SMC6: variants seen among roughly 807,000 people sequenced by gnomAD.
The protein encoded by SMC6 is structural maintenance of chromosomes protein 6.
Under a neutral mutation model 142.2 loss-of-function variants are expected in SMC6, and 79 were observed. That is an observed-to-expected ratio of 0.56 (90% confidence interval 0.46 to 0.67). The LOEUF is 0.67. SMC6 is among the 30% of genes least tolerant of loss of function. SMC6 has a pLI of 0.00. For synonymous variants in SMC6, 411 were observed against 412.4 expected (o/e 1.00, Z 0.04); for missense variants, 1,072 against 1,284.0 (o/e 0.83, Z 2.52).
At chr2:17,738,412 T>C (rs897920231) in intron 4 of SMC6, 86 bp from the exon 5 acceptor site, 1 of 764,640 alleles carries the variant, frequency 1.3e-6, no homozygotes, top group Middle Eastern at 2.5e-4. Context: ...AAAAGATTTA[T>C]GAATGAGACT....
chr2:17,744,640 C>T (rs1022867200), intron 3 of SMC6, among the ~76,000 whole-genome samples: 5 of 152,150 alleles, frequency 3.3e-5, no homozygotes, highest in East Asian at 1.9e-4. Flanking sequence ...GAAGCAAACA[C>T]CTTTGTCTTC....
At chr2:17,717,031 T>C in intron 13 of SMC6, 57 bp downstream of exon 13, 1 of 1,541,174 alleles carries the variant, frequency 6.5e-7, no homozygotes, top group Non-Finnish European at 8.8e-7. Context: ...CCAATGCATC[T>C]ACCTTACTTT....
intron 5 of SMC6, among the ~76,000 whole-genome samples, chr2:17,735,130 C>A (rs1202974217): frequency 2.0e-5 from 3 of 151,820 alleles, no homozygotes; most frequent in African/African-American, 4.8e-5. Context: ...AAAAAAAAAA[C>A]CACTTCTGCA....
chr2:17,736,922 A>T (rs770030883), intron 5 of SMC6, among the ~76,000 whole-genome samples: 19 of 151,592 alleles, frequency 1.3e-4, no homozygotes, highest in East Asian at 9.6e-4. Flanking sequence ...AATAATAATT[A>T]AAAAAAATTT....
intron 25 of SMC6, among the ~76,000 whole-genome samples, chr2:17,677,365 C>CAA (rs1007552827): frequency 2.4e-4 from 37 of 152,210 alleles, no homozygotes; most frequent in Admixed American, 8.5e-4. Flanking sequence ...CAACTGTGCA[C>CAA]AACATCAGAA....
intron 23 of SMC6, among the ~76,000 whole-genome samples, chr2:17,693,530 C>T (rs771929678): frequency 2.0e-5 from 3 of 151,950 alleles, no homozygotes; most frequent in Admixed American, 6.6e-5. Flanking sequence ...GAACATCACA[C>T]ACCGGGGCCG....
chr2:17,679,539 T>C (rs367881200), intron 24 of SMC6: 4 of 152,344 alleles, frequency 2.6e-5, no homozygotes, highest in African/African-American at 9.6e-5. Flanking sequence ...CTTTCCCTTC[T>C]TCCTCAGTTC....
intron 21 of SMC6, among the ~76,000 whole-genome samples, chr2:17,696,711 C>T (rs558260466): frequency 1.2e-4 from 19 of 152,074 alleles, no homozygotes; most frequent in Non-Finnish European, 2.5e-4. Context: ...AAACTTAAAA[C>T]AATGCAAGTG....
intron 20 of SMC6, among the ~76,000 whole-genome samples, chr2:17,700,845 A>G (rs975965722): frequency 6.6e-6 from 1 of 151,956 alleles, no homozygotes; most frequent in Non-Finnish European, 1.5e-5. Context: ...CAGCCTGACC[A>G]ACAGGGTGAA....
intron 23 of SMC6, among the ~76,000 whole-genome samples, chr2:17,693,916 C>T (rs1558339326): frequency 6.9e-6 from 1 of 144,840 alleles, no homozygotes; most frequent in South Asian, 2.2e-4. Flanking sequence ...AGGAGAATCG[C>T]TTGAACCCGG....
rs75788894 is a variant in SMC6, at chr2:17,674,900, C to T, written c.2910+3959G>A. On this transcript the variant is annotated intron_variant, in intron 25 of 27. Transcript: ENST00000448223. ...TATTTTACTTAGGATCTTCTCTGTC[C>T]TTATGTTAATATTTAAGGTGTATTT... is the stretch of plus-strand genomic sequence containing the variant. Among the ~76,000 whole-genome samples the T allele has an allele frequency of 1.1e-3, 160 of 151,980 alleles. 1 individual carries two copies. The highest frequency in any genetic ancestry group is 6.8e-3 in the East Asian group (35 of 5,174).
Position 17,678,869 on chromosome 2 carries a change from A to ACT in SMC6, c.2899_2900insAG (p.Leu967GlnfsTer2). 6.3e-7 allele frequency: 1 copy of ACT among 1,596,788 alleles called. No individual in the cohort carries two copies. The highest frequency in any genetic ancestry group is 8.6e-7 in the Non-Finnish European group (1 of 1,165,704). ...AATTAGGATACTTACTGATATACTTAGAGTTTCATTCTTGTGGTCAAAATT... is the reference window on the plus strand; with the variant it reads ...AATTAGGATACTTACTGATATACTTACTGAGTTTCATTCTTGTGGTCAAAATT... On this transcript the variant is annotated frameshift_variant, in exon 25 of 28. Coordinates refer to ENST00000448223, the MANE Select transcript of SMC6 (RefSeq NM_001142286.2). LOFTEE classifies it high-confidence loss of function.
At chr2:17,740,643 T>C (rs764303514) in intron 4 of SMC6, 18 of 386,542 alleles carry the variant, frequency 4.7e-5, no homozygotes, top group African/African-American at 3.1e-4. Context: ...TCACTTGAGC[T>C]CAGGAGTTTG....
chr2:17,706,511 TC>T (rs1157904122), intron 18 of SMC6, among the ~76,000 whole-genome samples: 1 of 126,248 alleles, frequency 7.9e-6, no homozygotes, highest in Non-Finnish European at 1.7e-5. Flanking sequence ...CATTTATAAT[TC>T]TTTTTTTTTT....
At chr2:17,739,841 C>G (rs948481326) in intron 4 of SMC6, among the ~76,000 whole-genome samples, 1 of 86,732 alleles carries the variant, frequency 1.2e-5, no homozygotes, top group Non-Finnish European at 2.5e-5. Flanking sequence ...CACACACACA[C>G]ACAGACACAC....
intron 24 of SMC6, among the ~76,000 whole-genome samples, 168 bp downstream of exon 24, chr2:17,683,470 T>C (rs1178969782): frequency 1.3e-5 from 2 of 152,180 alleles, no homozygotes; most frequent in African/African-American, 4.8e-5. Flanking sequence ...AAGCTCACCA[T>C]AAAGAGCCCT....
chr2:17,734,473 G>C (rs1670050053), intron 5 of SMC6, among the ~76,000 whole-genome samples: 1 of 151,430 alleles, frequency 6.6e-6, no homozygotes, highest in African/African-American at 2.4e-5. Context: ...GAGGGGAAGG[G>C]CGGCTGGCCT....
chr2:17,696,823 A>C (rs1464141224), intron 21 of SMC6, among the ~76,000 whole-genome samples: 1 of 152,172 alleles, frequency 6.6e-6, no homozygotes, highest in African/African-American at 2.4e-5. Context: ...TGATTTATTT[A>C]GTCACATCTG....
intron 25 of SMC6, among the ~76,000 whole-genome samples, chr2:17,673,308 T>C (rs972817365): frequency 3.9e-5 from 6 of 152,188 alleles, no homozygotes; most frequent in African/African-American, 9.6e-5. Context: ...ATCACAAATA[T>C]CTTTTCCTAG....
Sources: allele counts gnomAD v4.1 joint callset (sites outside exome capture counted in the v4.1 genomes callset), GRCh38; gene constraint gnomAD v4.1.1; transcripts MANE v1.5; gene names NCBI Gene and HGNC (gene_info 2026-07-23, HGNC 2026-07-21).